Variants in TYW1 observed in about 807,000 individuals in gnomAD.
The protein encoded by TYW1 is tRNA-yW synthesizing protein 1 homolog.
In TYW1, 46 loss-of-function variants were observed where a neutral mutation model predicts 96.2. The observed-to-expected ratio is 0.48, with a 90% CI of 0.38 to 0.61. TYW1 has a LOEUF of 0.61. Ranked by LOEUF, TYW1 falls within the 20% of genes least tolerant of loss-of-function variation. TYW1 has a pLI of 0.00. For missense variants in TYW1, 684 were observed against 909.6 expected, an observed-to-expected ratio of 0.75 and a Z score of 3.19; for synonymous variants, 274 against 323.0, an observed-to-expected ratio of 0.85 and a Z score of 1.63.
intron 15 of TYW1, among the ~76,000 whole-genome samples, chr7:67,205,390 G>C (rs925411498): frequency 6.6e-6 from 1 of 151,910 alleles, no homozygotes; most frequent in African/African-American, 2.4e-5. Flanking sequence ...TGGAGGCGGG[G>C]GGGGGGCCTT....
chr7:67,060,227 C>T (rs1375476765), intron 9 of TYW1, among the ~76,000 whole-genome samples: 1 of 151,880 alleles, frequency 6.6e-6, no homozygotes, highest in African/African-American at 2.4e-5. Flanking sequence ...AGGCAATTGC[C>T]ACCACTCCCA....
chr7:67,158,152 G>A (rs1230478435), intron 13 of TYW1, among the ~76,000 whole-genome samples: 3 of 141,570 alleles, frequency 2.1e-5, no homozygotes, highest in Non-Finnish European at 4.5e-5. Flanking sequence ...GCAGTGGCAC[G>A]CTCTTAGCTC....
At chr7:67,045,869 GA>G (rs1171919309) in intron 7 of TYW1, among the ~76,000 whole-genome samples, 1 of 152,218 alleles carries the variant, frequency 6.6e-6, no homozygotes, top group Non-Finnish European at 1.5e-5. Context: ...TGGCATTGTA[GA>G]TGGAGAGAAC....
rs976052800 is a variant in TYW1, at chr7:67,120,072, CT to C, written c.1698+2461del. Among the ~76,000 whole-genome samples, 207 of 134,150 alleles carry C rather than the reference CT, an allele frequency of 1.5e-3. 1 individual carries two copies. The highest frequency in any genetic ancestry group is 5.8e-3 in the African/African-American group (183 of 31,760). 88.0% of individuals were successfully genotyped at this position (134,150 alleles called of 152,430 possible). On this transcript the variant is annotated intron_variant, in intron 13 of 15. Coordinates refer to ENST00000359626, the MANE Select transcript of TYW1 (RefSeq NM_018264.4). Reference sequence around the variant, plus strand: ...ACTGCTCCAGGCCTGATAAATGTTTCTTTTTTTCTTCTTTTTTTTCTTTTTT... The same window carrying C: ...ACTGCTCCAGGCCTGATAAATGTTTCTTTTTTCTTCTTTTTTTTCTTTTTT...
intron 13 of TYW1, among the ~76,000 whole-genome samples, chr7:67,167,339 C>T (rs543918634): frequency 6.6e-6 from 1 of 152,030 alleles, no homozygotes; most frequent in Admixed American, 6.6e-5. Flanking sequence ...CCTGGTGGCA[C>T]ACGCCTGTAA....
At chr7:67,081,153 A>C (rs1203166924) in intron 10 of TYW1, among the ~76,000 whole-genome samples, 1 of 149,370 alleles carries the variant, frequency 6.7e-6, no homozygotes, top group Non-Finnish European at 1.5e-5. Flanking sequence ...GAATTCCCTC[A>C]GTTTTTACTT....
chr7:67,116,812 A>G (rs1563022233), intron 12 of TYW1, among the ~76,000 whole-genome samples: 2 of 152,160 alleles, frequency 1.3e-5, no homozygotes, highest in South Asian at 4.1e-4. Flanking sequence ...ATTCATGGAA[A>G]CTGATTGTAA....
At chr7:67,156,856 A>G (rs577613258) in intron 13 of TYW1, among the ~76,000 whole-genome samples, 27 of 151,402 alleles carry the variant, frequency 1.8e-4, no homozygotes, top group African/African-American at 6.6e-4. Context: ...TGTGGATTCC[A>G]GAAAGCCTCC....
At chr7:67,216,711 G>A (rs1801206752) in intron 15 of TYW1, among the ~76,000 whole-genome samples, 1 of 140,430 alleles carries the variant, frequency 7.1e-6, no homozygotes, top group African/African-American at 2.8e-5. Context: ...ATGGGCATTT[G>A]GGGCCATAAC....
At chr7:67,159,723 A>G (rs1263029165) in intron 13 of TYW1, among the ~76,000 whole-genome samples, 10 of 152,178 alleles carry the variant, frequency 6.6e-5, no homozygotes, top group Non-Finnish European at 1.5e-5. Context: ...GCCATGCTGT[A>G]TGTAGTAATA....
chr7:67,081,355 T>G (rs1796387816), intron 10 of TYW1, among the ~76,000 whole-genome samples: 1 of 151,680 alleles, frequency 6.6e-6, no homozygotes, highest in Non-Finnish European at 1.5e-5. Flanking sequence ...TTTCAATTGC[T>G]GTTTTTAGAA....
In TYW1 at chr7:66,996,879, CGCTAACGCGGCGAGGTA is replaced by C. The variant is rs1378971199; in HGVS notation, c.-96_-80del. ...ACAGGTCTGCAGGCACTCGGTACGC[CGCTAACGCGGCGAGGTA>C]GCTCGGTGCGTCTCGCGGTACCAGT... On this transcript the variant is annotated 5_prime_UTR_variant, in exon 1 of 16. An upstream open reading frame in the 5' UTR loses its in-frame stop. Coordinates refer to ENST00000359626, the MANE Select transcript of TYW1 (RefSeq NM_018264.4). The C allele has an allele frequency of 6.3e-7, 1 of 1,593,204 alleles. No individual in the cohort carries two copies. The highest frequency in any genetic ancestry group is 1.3e-5 in the African/African-American group (1 of 74,630).
At chr7:67,177,025 A>G (rs1584657956) in intron 13 of TYW1, among the ~76,000 whole-genome samples, 1 of 152,364 alleles carries the variant, frequency 6.6e-6, no homozygotes, top group Non-Finnish European at 1.5e-5. Context: ...ATCAAGTCTT[A>G]GTGTAGAGCA....
At position 67,040,421 on chromosome 7, in the gene TYW1, G is replaced by A. The variant is rs561958957; in HGVS notation, c.985-9528G>A. Reference sequence around the variant, plus strand: ...CCCCATATTGATATACTGGGTCAACGTGAATGTGTAATGTTATGACTCTTA... The same window carrying A: ...CCCCATATTGATATACTGGGTCAACATGAATGTGTAATGTTATGACTCTTA... On this transcript the variant is annotated intron_variant, in intron 7 of 15. Coordinates refer to ENST00000359626, the MANE Select transcript of TYW1 (RefSeq NM_018264.4). Among the ~76,000 whole-genome samples the A allele has an allele frequency of 6.6e-5, 10 of 151,964 alleles. No individual in the cohort carries two copies. In the South Asian group the frequency reaches 1.9e-3, roughly 28 times the overall value.
chr7:67,008,884 A>G (rs965793720), intron 3 of TYW1, among the ~76,000 whole-genome samples: 1 of 152,098 alleles, frequency 6.6e-6, no homozygotes, highest in African/African-American at 2.4e-5. Flanking sequence ...CTGGTCTCGC[A>G]TTCCTGACCT....
intron 13 of TYW1, among the ~76,000 whole-genome samples, chr7:67,123,623 G>A (rs7781166): frequency 0.034 from 3,944 of 115,562 alleles, 121 homozygotes; most frequent in African/African-American, 0.11. Flanking sequence ...CATCTCTTTA[G>A]CAACGGATTG....
chr7:67,053,575 T>C (rs1164926906), intron 8 of TYW1, among the ~76,000 whole-genome samples: 1 of 152,136 alleles, frequency 6.6e-6, no homozygotes. Context: ...AGACAGGGTT[T>C]CACCATGTTG....
At chr7:67,222,414 T>C (rs1801423066) in intron 15 of TYW1, among the ~76,000 whole-genome samples, 1 of 152,216 alleles carries the variant, frequency 6.6e-6, no homozygotes, top group Non-Finnish European at 1.5e-5. Context: ...CAGCTTTTGT[T>C]TATTTGGAAA....
At chr7:67,221,924 G>A (rs866837399) in intron 15 of TYW1, among the ~76,000 whole-genome samples, 13 of 151,468 alleles carry the variant, frequency 8.6e-5, no homozygotes, top group South Asian at 2.1e-4. Flanking sequence ...GAGGCTGGGT[G>A]TGGTGGCTGA....
Sources: gnomAD v4.1 joint callset for allele counts (sites outside exome capture counted in the v4.1 genomes callset) on GRCh38, gnomAD v4.1.1 for gene constraint, MANE v1.5 for transcripts, NCBI Gene and HGNC (gene_info 2026-07-23, HGNC 2026-07-21) for gene names.